PIEZO2: variants seen among roughly 807,000 people sequenced by gnomAD.
PIEZO2 encodes piezo-type mechanosensitive ion channel component 2.
Under a neutral mutation model 337.3 loss-of-function variants are expected in PIEZO2, and 172 were observed. That is an observed-to-expected ratio of 0.51 (90% CI 0.45 to 0.58). PIEZO2 has a LOEUF of 0.58. Ranked by LOEUF, PIEZO2 falls within the 20% of genes least tolerant of loss-of-function variation. PIEZO2 has a pLI of 0.00. For missense variants in PIEZO2, 3,028 were observed against 3,391.3 expected (o/e 0.89, Z 2.66); for synonymous variants, 1,251 against 1,228.5 (o/e 1.02, Z -0.38).
chr18:10,882,519 A>C (rs1043725525), intron 4 of PIEZO2, among the ~76,000 whole-genome samples: 1 of 152,228 alleles, frequency 6.6e-6, no homozygotes, highest in Non-Finnish European at 1.5e-5. Flanking sequence ...AATTACATTC[A>C]AACATATGAA....
In PIEZO2 at chr18:10,846,522, T is replaced by G. The variant is rs1025760429; in HGVS notation, c.917+8831A>C. Among the ~76,000 whole-genome samples the G allele has an allele frequency of 6.6e-6, 1 of 151,974 alleles. No individual in the cohort carries two copies. Among genetic ancestry groups the G allele is most frequent in the Non-Finnish European group, 1.5e-5 (1 of 67,990 alleles). On this transcript the variant is annotated intron_variant, in intron 7 of 55. Coordinates refer to ENST00000674853, the MANE Select transcript of PIEZO2 (RefSeq NM_001378183.1). The surrounding 1 kb of genome is among the most constrained non-coding windows in gnomAD (Gnocchi z 4.1). ...AGAGAAAAGAAGCTTGAACTAAGAG[T>G]TCCTGAGAGGCCAATGTATGTCAGC...
chr18:10,731,362 CT>C (rs1343707924), intron 36 of PIEZO2, 44 bp downstream of exon 36: 2 of 1,394,932 alleles, frequency 1.4e-6, no homozygotes, highest in Non-Finnish European at 1.9e-6. Context: ...GGAGCACAGC[CT>C]GAAACCTGCC....
chr18:10,747,103 C>A (rs567168509), intron 30 of PIEZO2, among the ~76,000 whole-genome samples: 1 of 152,160 alleles, frequency 6.6e-6, no homozygotes, highest in Admixed American at 6.5e-5. Flanking sequence ...GATCAACTCA[C>A]GGCTTTTCTT....
rs2039689675 is a variant in PIEZO2 at position 11,110,203 on chromosome 18, C to T, written c.64+38322G>A. ...AAAGTGGTGTGATCATAGCTCACTG[C>T]ATCCTGGAATTCCTGGCCATCCTTC... On this transcript the variant is annotated intron_variant, in intron 1 of 55. Coordinates refer to ENST00000674853, the MANE Select transcript of PIEZO2 (RefSeq NM_001378183.1). The surrounding 1 kb of genome is among the most constrained non-coding windows in gnomAD (Gnocchi z 4.2). Among the ~76,000 whole-genome samples the T allele has an allele frequency of 6.6e-6, 1 of 152,170 alleles. No individual in the cohort carries two copies. The highest frequency in any genetic ancestry group is 1.5e-5 in the Non-Finnish European group (1 of 68,018).
Position 10,702,053 on chromosome 18 carries a change from TC to T in PIEZO2, c.6376del (p.Glu2126LysfsTer21). On this transcript the variant is annotated frameshift_variant, in exon 43 of 56. Coordinates refer to ENST00000674853, the MANE Select transcript of PIEZO2 (RefSeq NM_001378183.1). LOFTEE classifies it high-confidence loss of function. ...GATGAGGTCATAGAGAACATAACCT[TC>T]CTTCTTTTCCACTCCTATGATGTTT... ...PPNIIGVEKK[E>X]GYVLYDLIQL... 8 of 1,536,966 alleles carry T rather than the reference TC, an allele frequency of 5.2e-6. No homozygotes were observed. The highest frequency in any genetic ancestry group is 7.0e-6 in the Non-Finnish European group (8 of 1,146,824).
At chr18:11,024,889 G>A (rs2036477017) in intron 2 of PIEZO2, among the ~76,000 whole-genome samples, 1 of 151,466 alleles carries the variant, frequency 6.6e-6, no homozygotes, top group South Asian at 2.1e-4. Flanking sequence ...TCTGCCCCCC[G>A]TGGCCTCCCA....
intron 1 of PIEZO2, among the ~76,000 whole-genome samples, chr18:11,082,886 G>A (rs1294304080): frequency 2.6e-5 from 4 of 152,064 alleles, no homozygotes; most frequent in South Asian, 2.1e-4. Context: ...TGTAATGAGC[G>A]ACATTGCAAA....
intron 3 of PIEZO2, among the ~76,000 whole-genome samples, chr18:10,936,935 A>G (rs1483911856): frequency 6.6e-6 from 1 of 152,120 alleles, no homozygotes; most frequent in Non-Finnish European, 1.5e-5. Flanking sequence ...CTCCTTGTGA[A>G]TCCCCCCATG....
At chr18:11,058,417 T>C (rs2037808435) in intron 2 of PIEZO2, among the ~76,000 whole-genome samples, 1 of 152,210 alleles carries the variant, frequency 6.6e-6, no homozygotes, top group Admixed American at 6.5e-5. Flanking sequence ...GGAACAAAGC[T>C]GGACGGAGAA....
chr18:11,086,332 A>G (rs1210513527), intron 1 of PIEZO2, among the ~76,000 whole-genome samples: 2 of 152,168 alleles, frequency 1.3e-5, no homozygotes, highest in Admixed American at 6.5e-5. Flanking sequence ...CATCCTGGCT[A>G]ACACGGTGAA....
At chr18:10,817,136 G>A (rs1186023919) in intron 7 of PIEZO2, among the ~76,000 whole-genome samples, 1 of 152,198 alleles carries the variant, frequency 6.6e-6, no homozygotes, top group Non-Finnish European at 1.5e-5. Context: ...TTGAGTTAAA[G>A]TCAGTTGGAA....
chr18:10,824,030 C>T lies in PIEZO2; in HGVS notation c.918-16756G>A, dbSNP rs1308042219. Among the ~76,000 whole-genome samples, 3 of 152,158 alleles carry T rather than the reference C, an allele frequency of 2.0e-5. No individual in the cohort carries two copies. The highest frequency in any genetic ancestry group is 4.8e-5 in the African/African-American group (2 of 41,416). On this transcript the variant is annotated intron_variant, in intron 7 of 55. Coordinates refer to ENST00000674853, the MANE Select transcript of PIEZO2 (RefSeq NM_001378183.1). The surrounding 1 kb of genome is among the most constrained non-coding windows in gnomAD (Gnocchi z 4.4). ...TCCTAAGGTCAGTGTATATCATTCCCATGAATATTTAACTCACTTTTTCTA... is the reference window on the plus strand; with the variant it reads ...TCCTAAGGTCAGTGTATATCATTCCTATGAATATTTAACTCACTTTTTCTA...
At chr18:11,034,791 G>A (rs1021316015) in intron 2 of PIEZO2, among the ~76,000 whole-genome samples, 1 of 152,112 alleles carries the variant, frequency 6.6e-6, no homozygotes, top group African/African-American at 2.4e-5. Flanking sequence ...GTTGCAGTGA[G>A]CCAAGACCGC....
At chr18:10,951,932 G>T (rs1201605828) in intron 3 of PIEZO2, among the ~76,000 whole-genome samples, 1 of 152,176 alleles carries the variant, frequency 6.6e-6, no homozygotes, top group African/African-American at 2.4e-5. Flanking sequence ...ATGCTATGAA[G>T]AATTTATCAC....
In PIEZO2 at chr18:10,872,391, G is replaced by A. The variant is rs1255963844; in HGVS notation, c.330-976C>T. ...ATCTGTCTGGGAAGGTAATACAAAC[G>A]CCATCTGTGATTTTGGGAGGCGTCC... On this transcript the variant is annotated intron_variant, in intron 4 of 55. Coordinates refer to ENST00000674853, the MANE Select transcript of PIEZO2 (RefSeq NM_001378183.1). The surrounding 1 kb of genome is among the most constrained non-coding windows in gnomAD (Gnocchi z 4.3). 1.3e-5 allele frequency among the ~76,000 whole-genome samples: 2 copies of A among 152,166 alleles called. No individual in the cohort carries two copies. The highest frequency in any genetic ancestry group is 2.1e-4 in the South Asian group (1 of 4,832).
At position 11,136,492 on chromosome 18, in the gene PIEZO2, A is replaced by G. The variant is rs572368613; in HGVS notation, c.64+12033T>C. On this transcript the variant is annotated intron_variant, in intron 1 of 55. Transcript: ENST00000674853. ...CTATAGCAGCCTTGTCTGGCCTGCA[A>G]TGCAAGCCTGGCTCCAGCTAACAAC... Among the ~76,000 whole-genome samples the G allele has an allele frequency of 1.4e-3, 217 of 152,392 alleles. 1 individual carries two copies. Among genetic ancestry groups the G allele is most frequent in the African/African-American group, 5.0e-3 (206 of 41,604 alleles).
intron 2 of PIEZO2, among the ~76,000 whole-genome samples, chr18:11,025,006 C>T (rs988484733): frequency 6.6e-6 from 1 of 151,216 alleles, no homozygotes; most frequent in African/African-American, 2.4e-5. Context: ...GAATGTAGTA[C>T]ATAGCCTGCA....
At chr18:10,695,985 A>C in intron 47 of PIEZO2, 89 bp downstream of exon 47, 1 of 1,275,772 alleles carries the variant, frequency 7.8e-7, no homozygotes, top group South Asian at 1.3e-5. Context: ...TGTGGCCAGC[A>C]GTTCTGCTGT....
In PIEZO2 at chr18:10,671,236, G is replaced by T; in HGVS notation, c.*291C>A. 3.8e-6 allele frequency: 1 copy of T among 261,064 alleles called. No individual in the cohort carries two copies. Among genetic ancestry groups the T allele is most frequent in the South Asian group, 5.7e-5 (1 of 17,642 alleles). 16.2% of individuals were successfully genotyped at this position (261,064 alleles called of 1,614,324 possible). The stretch of plus-strand genomic sequence containing the variant: ...CTCTTCTGTTTCTCTTAGGGACGGG[G>T]CCCATAAATGATTCCTTCACATGAT... On this transcript the variant is annotated 3_prime_UTR_variant, in exon 56 of 56. Coordinates refer to ENST00000674853, the MANE Select transcript of PIEZO2 (RefSeq NM_001378183.1).
Sources: allele counts gnomAD v4.1 joint callset (sites outside exome capture counted in the v4.1 genomes callset), GRCh38; gene constraint gnomAD v4.1.1; non-coding constraint Gnocchi (gnomAD v3.1); transcripts MANE v1.5; gene names NCBI Gene and HGNC (gene_info 2026-07-23, HGNC 2026-07-21).